The following NRG1 variants were observed in gnomAD, a reference collection of about 807,000 sequenced individuals.
NRG1 encodes the protein pro-neuregulin-1, membrane-bound isoform.
Under a neutral mutation model 63.8 loss-of-function variants are expected in NRG1, and 18 were observed. The ratio of observed to expected loss-of-function variants is 0.28; its 90% confidence interval spans 0.19 to 0.42. The LOEUF (loss-of-function observed/expected upper bound fraction) is 0.42, where lower values mean the gene tolerates loss of function less well. Among genes scored for constraint, NRG1 ranks in the 10% least tolerant of loss-of-function variants. The probability of loss-of-function intolerance (pLI) is 1.00; values close to 1 mark genes in which losing one functional copy is unlikely to be tolerated. For synonymous variants in NRG1, 302 were observed against 301.3 expected (o/e 1.00, Z -0.02); for missense variants, 762 against 814.7 (o/e 0.94, Z 0.79).
chr8:32,348,485 G>A (rs989690311), intron 1 of NRG1, among the ~76,000 whole-genome samples: 1 of 152,154 alleles, frequency 6.6e-6, no homozygotes, highest in African/African-American at 2.4e-5. Context: ...AGATTTTCCT[G>A]CACTGTGCAT....
chr8:32,267,182 AGAAAGAAGGAAG>A (rs1047037476), intron 1 of NRG1, among the ~76,000 whole-genome samples: 3 of 145,810 alleles, frequency 2.1e-5, no homozygotes, highest in African/African-American at 8.1e-5. Context: ...GGAAGGAAGG[AGAAAGAAGGAAG>A]GAAGGAAGGA....
chr8:32,052,459 T>G (rs913115809), intron 1 of NRG1, among the ~76,000 whole-genome samples: 1 of 151,986 alleles, frequency 6.6e-6, no homozygotes, highest in African/African-American at 2.4e-5. Flanking sequence ...ATTTGTATTT[T>G]TTTTAAAGAC....
intron 1 of NRG1, among the ~76,000 whole-genome samples, chr8:32,025,323 AC>A (rs1163626214): frequency 6.6e-6 from 1 of 152,190 alleles, no homozygotes; most frequent in African/African-American, 2.4e-5. Context: ...AGAAAGACTC[AC>A]AATTACCATT....
chr8:32,475,428 G>A lies in NRG1; in HGVS notation c.38-120400G>A, dbSNP rs146454599. ...TGCAGTGACCTGAGATCACGCCACT[G>A]CACTCCAGCCTGGTGACAGAGAGAG... On this transcript the variant is annotated intron_variant, in intron 1 of 10. Coordinates refer to the NRG1 transcript ENST00000519301. Among the ~76,000 whole-genome samples the A allele has an allele frequency of 0.013, 1,714 of 128,320 alleles. 202 individuals are homozygous for A. In the East Asian group the frequency reaches 0.31, roughly 23 times the overall value. 84.2% of individuals were successfully genotyped at this position (128,320 alleles called of 152,430 possible). A position where few individuals can be genotyped will look rare whatever the true frequency, so the allele number is the denominator to read the frequency against.
At chr8:32,304,440 A>T (rs898149251) in intron 1 of NRG1, among the ~76,000 whole-genome samples, 1 of 152,186 alleles carries the variant, frequency 6.6e-6, no homozygotes, top group African/African-American at 2.4e-5. Context: ...TGGGAATAAT[A>T]GTTTGATGAA....
chr8:32,440,004 C>T (rs1038379078), intron 1 of NRG1, among the ~76,000 whole-genome samples: 3 of 152,022 alleles, frequency 2.0e-5, no homozygotes, highest in African/African-American at 7.2e-5. Context: ...ATTAGGAAAG[C>T]AGGTTAAATT....
intron 1 of NRG1, among the ~76,000 whole-genome samples, chr8:32,457,124 T>G (rs922055379): frequency 6.6e-6 from 1 of 152,130 alleles, no homozygotes; most frequent in South Asian, 2.1e-4. Flanking sequence ...GGAGTGAGAC[T>G]TTCTCAAAAA....
At chr8:31,725,868 T>G (rs2131328895) in intron 1 of NRG1, among the ~76,000 whole-genome samples, 1 of 152,272 alleles carries the variant, frequency 6.6e-6, no homozygotes, top group East Asian at 1.9e-4. Context: ...AAATGTCTCA[T>G]CACACAAGTG....
intron 1 of NRG1, among the ~76,000 whole-genome samples, chr8:32,474,676 TG>T (rs758673506): frequency 1.2e-4 from 17 of 147,662 alleles, no homozygotes; most frequent in African/African-American, 3.5e-4. Flanking sequence ...TGTGTGTGTG[TG>T]TTTTTTTTAG....
At chr8:32,046,935 A>G (rs976953226) in intron 1 of NRG1, among the ~76,000 whole-genome samples, 3 of 152,230 alleles carry the variant, frequency 2.0e-5, no homozygotes, top group African/African-American at 7.2e-5. Context: ...AAATAAAACT[A>G]GAAGAAAAAA....
intron 1 of NRG1, among the ~76,000 whole-genome samples, chr8:32,337,644 G>T (rs576043468): frequency 0.022 from 271 of 12,398 alleles, 3 homozygotes; most frequent in Admixed American, 0.062. Flanking sequence ...GGAACAAAAA[G>T]AGTTATTGCA....
At chr8:32,755,671 A>G (rs1376802512) in intron 8 of NRG1, among the ~76,000 whole-genome samples, 1 of 152,172 alleles carries the variant, frequency 6.6e-6, no homozygotes, top group Non-Finnish European at 1.5e-5. Flanking sequence ...AACTGTGTAT[A>G]TTCAAAACTC....
At chr8:32,532,198 T>TTG (rs1441252247) in intron 1 of NRG1, among the ~76,000 whole-genome samples, 1 of 152,226 alleles carries the variant, frequency 6.6e-6, no homozygotes, top group Non-Finnish European at 1.5e-5. Flanking sequence ...TAATCAGAGC[T>TTG]TGTGTTTACC....
intron 5 of NRG1, among the ~76,000 whole-genome samples, chr8:32,636,226 C>T (rs1851317049): frequency 6.6e-6 from 1 of 151,772 alleles, no homozygotes. Flanking sequence ...GGGGTGGGGG[C>T]AAAAAGAAGC....
intron 1 of NRG1, among the ~76,000 whole-genome samples, chr8:32,084,203 T>C (rs935397068): frequency 3.9e-5 from 6 of 152,208 alleles, no homozygotes; most frequent in African/African-American, 1.4e-4. Context: ...TTACATGGGA[T>C]AACTATTTTT....
chr8:32,307,932 C>T (rs1856401015), intron 1 of NRG1, among the ~76,000 whole-genome samples: 1 of 152,168 alleles, frequency 6.6e-6, no homozygotes, highest in Non-Finnish European at 1.5e-5. Flanking sequence ...AAACCCTTTC[C>T]AGCCTCAGAA....
Position 32,700,567 on chromosome 8 carries a change from A to G in NRG1, c.503-27382A>G, listed in dbSNP as rs574811157. ...ATTCAACTAGTATTATCTTTTCACT[A>G]CAAACACAATAAATCCTGGTTTTGC... On this transcript the variant is annotated intron_variant, in intron 5 of 11. Transcript: ENST00000356819. 7.9e-5 allele frequency among the ~76,000 whole-genome samples: 12 copies of G among 152,338 alleles called. No homozygotes were observed. The South Asian group carries it at 2.3e-3, about 29-fold the overall frequency.
At chr8:32,404,566 A>G (rs894523901) in intron 1 of NRG1, among the ~76,000 whole-genome samples, 1 of 141,844 alleles carries the variant, frequency 7.1e-6, no homozygotes, top group Non-Finnish European at 1.5e-5. Flanking sequence ...TCAGAAACTC[A>G]TTCTGTTTTC....
chr8:32,146,577 A>AT (rs1432143544), intron 1 of NRG1, among the ~76,000 whole-genome samples: 1 of 152,118 alleles, frequency 6.6e-6, no homozygotes, highest in Non-Finnish European at 1.5e-5. Flanking sequence ...TATTAGGAAG[A>AT]TTTTTCTTGA....
Sources: allele counts gnomAD v4.1 joint callset (sites outside exome capture counted in the v4.1 genomes callset), GRCh38; gene constraint gnomAD v4.1.1; transcripts MANE v1.5; gene names NCBI Gene and HGNC (gene_info 2026-07-23, HGNC 2026-07-21).